The following APPL2 variants were observed in gnomAD, a reference collection of about 807,000 sequenced individuals.
APPL2 encodes DCC-interacting protein 13-beta.
In APPL2, 84 loss-of-function variants were observed where a neutral mutation model predicts 92.7. That is an observed-to-expected ratio of 0.91 (90% CI 0.76 to 1.09). The LOEUF (loss-of-function observed/expected upper bound fraction) is 1.09. APPL2 is among the 50% of genes least tolerant of loss of function. The probability of loss-of-function intolerance (pLI) is 0.00; values close to 1 mark genes in which losing one functional copy is unlikely to be tolerated. For missense variants in APPL2, 736 were observed against 824.5 expected (o/e 0.89, Z 1.31); for synonymous variants, 291 against 291.0 (o/e 1.00, Z 0.00).
intron 8 of APPL2, among the ~76,000 whole-genome samples, chr12:105,206,296 C>T (rs978354310): frequency 1.1e-4 from 16 of 152,294 alleles, no homozygotes; most frequent in African/African-American, 3.8e-4. Flanking sequence ...CATTTTGCTT[C>T]CTCGCATCCC....
intron 8 of APPL2, among the ~76,000 whole-genome samples, chr12:105,206,468 G>A (rs1592802610): frequency 6.6e-6 from 1 of 152,150 alleles, no homozygotes; most frequent in Admixed American, 6.5e-5. Flanking sequence ...CGTCTCCGCC[G>A]CACTGGTGCC....
At chr12:105,182,380 C>T (rs1166471078) in intron 17 of APPL2, among the ~76,000 whole-genome samples, 1 of 152,218 alleles carries the variant, frequency 6.6e-6, no homozygotes, top group Non-Finnish European at 1.5e-5. Context: ...ATCTTTCCCA[C>T]TTTTTCCTGT....
intron 14 of APPL2, among the ~76,000 whole-genome samples, chr12:105,191,172 A>G (rs1165848410): frequency 6.6e-6 from 1 of 152,226 alleles, no homozygotes; most frequent in Admixed American, 6.5e-5. Flanking sequence ...GAAACAGTAC[A>G]TAGGCTTGTA....
In APPL2 at chr12:105,211,325, A is replaced by G; in HGVS notation, c.286-8T>C. The stretch of plus-strand genomic sequence containing the variant: ...TGTATGGAGAAGATTAAGCTGAAAG[A>G]AAGAGAATGGTATTCAAGTAAATTA... On this transcript the variant is annotated splice_region_variant and splice_polypyrimidine_tract_variant and intron_variant, in intron 4 of 20. Transcript: ENST00000258530. 2 of 1,590,318 alleles carry G rather than the reference A, an allele frequency of 1.3e-6. No individual in the cohort carries two copies. Among genetic ancestry groups the G allele is most frequent in the Non-Finnish European group, 1.7e-6 (2 of 1,158,740 alleles).
At position 105,174,385 on chromosome 12, in the gene APPL2, G is replaced by A. The variant is rs144353258; in HGVS notation, c.1924C>T (p.Leu642=). ...TCGTCATCTGGTTGATCGTTTAACA[G>A]TACATATTTTCCGTCATTGGTTAGT... ...IPLTNDGKYV[L]LNDQPDDDDG... The change falls in exon 21 of 21, where the codon CTG becomes TTG. Residue 642 remains leucine (L), a synonymous_variant. Coordinates refer to ENST00000258530, the MANE Select transcript of APPL2 (RefSeq NM_018171.5). 249 of 1,613,976 alleles carry A rather than the reference G, an allele frequency of 1.5e-4. No individual in the cohort carries two copies. Among genetic ancestry groups the A allele is most frequent in the Admixed American group, 2.2e-4 (13 of 60,000 alleles).
chr12:105,216,651 C>T (rs1003776015), intron 4 of APPL2, among the ~76,000 whole-genome samples: 2 of 152,176 alleles, frequency 1.3e-5, no homozygotes, highest in African/African-American at 4.8e-5. Flanking sequence ...AAAAGATGCA[C>T]GAGGATTCTC....
intron 8 of APPL2, among the ~76,000 whole-genome samples, chr12:105,206,210 G>T (rs746238978): frequency 6.6e-6 from 1 of 152,174 alleles, no homozygotes; most frequent in Non-Finnish European, 1.5e-5. Flanking sequence ...TAATATATGT[G>T]CCTTAAAAAT....
intron 8 of APPL2, among the ~76,000 whole-genome samples, chr12:105,204,053 C>T (rs532005759): frequency 7.9e-5 from 12 of 152,316 alleles, no homozygotes; most frequent in African/African-American, 2.6e-4. Flanking sequence ...AAGTCTGGGT[C>T]CCCTGACAAA....
rs143217728 is a variant in APPL2, at chr12:105,197,812, G to A, written c.1005C>T (p.Cys335=). The change falls in exon 11 of 21, where the codon TGC becomes TGT. Residue 335 remains cysteine (C), a synonymous_variant. Coordinates refer to ENST00000258530, the MANE Select transcript of APPL2 (RefSeq NM_018171.5). The stretch of plus-strand genomic sequence containing the variant: ...TCTGGAAGCAGTAGCGCCGGTCTTC[G>A]CAATCCACGGCCATCACTGAGCAGT... ...LDNCSVMAVD[C]EDRRYCFQIT... The A allele has an allele frequency of 2.5e-4, 404 of 1,614,148 alleles. 1 individual carries two copies. In the African/African-American group the frequency reaches 4.7e-3, roughly 19 times the overall value.
chr12:105,230,055 C>T (rs1189591328), intron 1 of APPL2, among the ~76,000 whole-genome samples: 1 of 152,166 alleles, frequency 6.6e-6, no homozygotes, highest in Non-Finnish European at 1.5e-5. Flanking sequence ...GCTAGGATTA[C>T]AGGTGTGAGC....
intron 17 of APPL2, among the ~76,000 whole-genome samples, chr12:105,186,672 AT>A: frequency 9.7e-6 from 1 of 103,192 alleles, no homozygotes; most frequent in East Asian, 3.6e-4. Flanking sequence ...TATCATATAT[AT>A]GATATATCAT....
chr12:105,222,873 G>C (rs1890210379), intron 2 of APPL2, among the ~76,000 whole-genome samples: 1 of 152,238 alleles, frequency 6.6e-6, no homozygotes, highest in Non-Finnish European at 1.5e-5. Context: ...AAAGGTGTCA[G>C]AGAAACTTTG....
chr12:105,175,907 T>C (rs1026564349), intron 20 of APPL2, 128 bp downstream of exon 20: 6 of 895,892 alleles, frequency 6.7e-6, no homozygotes, highest in South Asian at 3.7e-5. Context: ...TAGAATACTT[T>C]TAAAAGGAAA....
chr12:105,178,214 T>A (rs1885739661), intron 17 of APPL2, among the ~76,000 whole-genome samples: 1 of 152,260 alleles, frequency 6.6e-6, no homozygotes, highest in African/African-American at 2.4e-5. Flanking sequence ...AAATTTCTAC[T>A]GTATTGTACT....
chr12:105,189,913 CTT>C, intron 15 of APPL2, 76 bp downstream of exon 15: 1 of 1,611,304 alleles, frequency 6.2e-7, no homozygotes, highest in Non-Finnish European at 8.5e-7. Flanking sequence ...TGGCAACAGT[CTT>C]TGGTGGTGGA....
rs565039919 is a variant in APPL2, at chr12:105,211,745, G to T, written c.286-428C>A. ...CACTCTCCAGGGAGGCTGAAGCCAC[G>T]CCTGAAAGATGGGCCTGCTGGAAAC... On this transcript the variant is annotated intron_variant, in intron 4 of 20. Coordinates refer to ENST00000258530, the MANE Select transcript of APPL2 (RefSeq NM_018171.5). 3.2e-4 allele frequency among the ~76,000 whole-genome samples: 49 copies of T among 152,310 alleles called. No individual in the cohort carries two copies. In the East Asian group the frequency reaches 7.7e-3, roughly 24 times the overall value.
At chr12:105,194,362 G>A (rs564825932) in intron 14 of APPL2, among the ~76,000 whole-genome samples, 11 of 152,278 alleles carry the variant, frequency 7.2e-5, no homozygotes, top group South Asian at 6.2e-4. Flanking sequence ...AACAGTAAAC[G>A]CCAGGGAGAT....
At chr12:105,181,755 G>T (rs1411906502) in intron 17 of APPL2, among the ~76,000 whole-genome samples, 1 of 152,158 alleles carries the variant, frequency 6.6e-6, no homozygotes, top group Non-Finnish European at 1.5e-5. Context: ...GCATACAGGT[G>T]TTTATAGTAT....
chr12:105,176,528 C>T (rs879322560), intron 19 of APPL2, among the ~76,000 whole-genome samples: 7 of 152,180 alleles, frequency 4.6e-5, no homozygotes, highest in African/African-American at 1.7e-4. Flanking sequence ...CCTTGGTTTT[C>T]TCTCTGAGAC....
Sources: allele counts gnomAD v4.1 joint callset (sites outside exome capture counted in the v4.1 genomes callset), GRCh38; gene constraint gnomAD v4.1.1; transcripts MANE v1.5; gene names NCBI Gene and HGNC (gene_info 2026-07-23, HGNC 2026-07-21).